CHST11: variants seen among roughly 807,000 people sequenced by gnomAD.
CHST11 encodes the protein C4S-1.
In CHST11, 9 loss-of-function variants were observed where a neutral mutation model predicts 30.4. The ratio of observed to expected loss-of-function variants is 0.30; its 90% confidence interval spans 0.18 to 0.52. The LOEUF (loss-of-function observed/expected upper bound fraction) is 0.52, where lower values mean the gene tolerates loss of function less well. CHST11 is among the 20% of genes least tolerant of loss of function. CHST11 has a pLI of 0.97. For synonymous variants in CHST11, 152 were observed against 187.8 expected (o/e 0.81, Z 1.56); for missense variants, 348 against 460.6 (o/e 0.76, Z 2.24).
At position 104,635,718 on chromosome 12, in the gene CHST11, G is replaced by A. The variant is rs71468221; in HGVS notation, c.204+33727G>A. Among the ~76,000 whole-genome samples the A allele has an allele frequency of 1.9e-3, 296 of 152,286 alleles. 1 individual carries two copies. The Middle Eastern group carries it at 0.02, about 10-fold the overall frequency. The stretch of plus-strand genomic sequence containing the variant: ...ATGAAGGAAGAGTTCATCAGTGCTG[G>A]TCTCATCCAAAGAAGCAAATTAGGG... On this transcript the variant is annotated intron_variant, in intron 2 of 2. Transcript: ENST00000303694.
chr12:104,588,594 G>A (rs1441748840), intron 1 of CHST11, among the ~76,000 whole-genome samples: 1 of 152,136 alleles, frequency 6.6e-6, no homozygotes, highest in Non-Finnish European at 1.5e-5. Flanking sequence ...GCCTGCCTCG[G>A]GCTCACAAAC....
intron 2 of CHST11, among the ~76,000 whole-genome samples, chr12:104,651,255 G>A (rs2039486831): frequency 6.6e-6 from 1 of 152,146 alleles, no homozygotes; most frequent in Admixed American, 6.5e-5. Flanking sequence ...TTTGCAATTT[G>A]GCATCAGTTC....
intron 1 of CHST11, among the ~76,000 whole-genome samples, chr12:104,513,139 T>TGGGGGGGGGGGGGGGGGG (rs1565969846): frequency 2.4e-3 from 7 of 2,932 alleles, no homozygotes; most frequent in Non-Finnish European, 3.3e-3. Context: ...GGGGGGGGGT[T>TGGGGGGGGGGGGGGGGGG]GGGGGTGGGG....
intron 1 of CHST11, among the ~76,000 whole-genome samples, chr12:104,486,304 ATTTTTTT>A (rs5800622): frequency 6.8e-6 from 1 of 147,128 alleles, no homozygotes; most frequent in Non-Finnish European, 1.5e-5. Context: ...AGTCAGTGTG[ATTTTTTT>A]TTTTTTTTAA....
chr12:104,677,206 T>C (rs1182325082), intron 2 of CHST11, among the ~76,000 whole-genome samples: 2 of 152,242 alleles, frequency 1.3e-5, no homozygotes, highest in African/African-American at 4.8e-5. Flanking sequence ...TTATTTTTAA[T>C]GTTCCTGTAA....
At chr12:104,734,790 G>A (rs559358929) in intron 2 of CHST11, among the ~76,000 whole-genome samples, 61 of 152,318 alleles carry the variant, frequency 4.0e-4, no homozygotes, top group African/African-American at 1.3e-3. Context: ...TTATGGCAAA[G>A]TAACAGCAAG....
At chr12:104,469,032 A>G (rs1354102924) in intron 1 of CHST11, among the ~76,000 whole-genome samples, 1 of 152,230 alleles carries the variant, frequency 6.6e-6, no homozygotes, top group Admixed American at 6.5e-5. Flanking sequence ...TGTTATGATA[A>G]ATTACCTGTG....
intron 2 of CHST11, among the ~76,000 whole-genome samples, chr12:104,662,505 A>G (rs899786882): frequency 6.6e-6 from 1 of 152,186 alleles, no homozygotes; most frequent in Admixed American, 6.5e-5. Flanking sequence ...CATGACTCAA[A>G]CTAGATATTT....
At chr12:104,484,097 G>C (rs2037654283) in intron 1 of CHST11, among the ~76,000 whole-genome samples, 1 of 152,224 alleles carries the variant, frequency 6.6e-6, no homozygotes, top group South Asian at 2.1e-4. Flanking sequence ...GATGGAATGA[G>C]ATTAGATGGC....
chr12:104,527,758 C>T (rs12312652), intron 1 of CHST11, among the ~76,000 whole-genome samples: 4 of 152,162 alleles, frequency 2.6e-5, no homozygotes, highest in African/African-American at 7.2e-5. Context: ...AGAACTACCT[C>T]AGACTGTGTA....
At chr12:104,671,477 A>G (rs1236141629) in intron 2 of CHST11, among the ~76,000 whole-genome samples, 1 of 152,156 alleles carries the variant, frequency 6.6e-6, no homozygotes, top group Non-Finnish European at 1.5e-5. Context: ...TACTGTTACC[A>G]GCGCGATCAT....
rs776768728 is a variant in CHST11 at position 104,757,269 on chromosome 12, C to T, written c.525C>T (p.Arg175=). The T allele has an allele frequency of 6.2e-7, 1 of 1,614,142 alleles. No individual in the cohort carries two copies. The highest frequency in any genetic ancestry group is 8.5e-7 in the Non-Finnish European group (1 of 1,180,026). Residue 175 remains arginine (R), a synonymous_variant, in exon 3 of 3, where the codon CGC becomes CGT. Coordinates refer to ENST00000303694, the MANE Select transcript of CHST11 (RefSeq NM_018413.6). This position sits in a 1 kb window ranked among gnomAD's most constrained non-coding sequence, Gnocchi z 6.5. ...NQYSIPEINH[R]LKSYMKFLFV... is the part of the protein sequence containing the mutation. Reference sequence around the variant, plus strand: ...ACAGCATCCCAGAAATCAACCACCGCTTGAAAAGCTACATGAAGTTCCTGT... The same window carrying T: ...ACAGCATCCCAGAAATCAACCACCGTTTGAAAAGCTACATGAAGTTCCTGT...
intron 1 of CHST11, among the ~76,000 whole-genome samples, chr12:104,599,777 C>T (rs2038941310): frequency 6.6e-6 from 1 of 152,230 alleles, no homozygotes; most frequent in Admixed American, 6.5e-5. Flanking sequence ...TGGGGCAGTT[C>T]TCTAGGGCAA....
At chr12:104,592,982 T>G (rs1044903122) in intron 1 of CHST11, among the ~76,000 whole-genome samples, 1 of 152,224 alleles carries the variant, frequency 6.6e-6, no homozygotes, top group Non-Finnish European at 1.5e-5. Flanking sequence ...TACACTATAT[T>G]CTTCAAAGCT....
At chr12:104,544,125 TA>T (rs60776273) in intron 1 of CHST11, among the ~76,000 whole-genome samples, 59,824 of 97,104 alleles carry the variant, frequency 0.62, 16,623 homozygotes, top group East Asian at 0.97. Flanking sequence ...CCCTGTCTGT[TA>T]AAAAAAAAAA....
At chr12:104,474,692 T>C (rs1044005222) in intron 1 of CHST11, among the ~76,000 whole-genome samples, 4 of 152,084 alleles carry the variant, frequency 2.6e-5, no homozygotes, top group African/African-American at 4.8e-5. Context: ...CAGAGGTCAT[T>C]GCTGAGTGTT....
chr12:104,652,968 GA>G (rs1453811512), intron 2 of CHST11, among the ~76,000 whole-genome samples: 1 of 152,190 alleles, frequency 6.6e-6, no homozygotes, highest in Admixed American at 6.5e-5. Context: ...TCCATCTAGG[GA>G]GGCAGTGAGC....
At chr12:104,529,772 C>G (rs1437903900) in intron 1 of CHST11, among the ~76,000 whole-genome samples, 1 of 152,184 alleles carries the variant, frequency 6.6e-6, no homozygotes, top group African/African-American at 2.4e-5. Context: ...ACAACACTGT[C>G]TCATCTCACT....
intron 1 of CHST11, among the ~76,000 whole-genome samples, chr12:104,598,625 T>A (rs2136045052): frequency 6.6e-6 from 1 of 152,344 alleles, no homozygotes; most frequent in South Asian, 2.1e-4. Context: ...TCTGCTTTTT[T>A]AACAAGCAAT....
Sources: allele counts gnomAD v4.1 joint callset (sites outside exome capture counted in the v4.1 genomes callset), GRCh38; gene constraint gnomAD v4.1.1; non-coding constraint Gnocchi (gnomAD v3.1); transcripts MANE v1.5; gene names NCBI Gene and HGNC (gene_info 2026-07-23, HGNC 2026-07-21).